Variants in VMP1 observed in about 807,000 individuals in gnomAD.
VMP1 encodes vacuole membrane protein 1.
A neutral mutation model predicts 56.0 loss-of-function variants in VMP1; 11 were observed. The observed-to-expected ratio is 0.20, with a 90% confidence interval of 0.12 to 0.32. The LOEUF is 0.32. Ranked by LOEUF, VMP1 falls within the 10% of genes least tolerant of loss-of-function variation. The pLI is 1.00. For missense variants in VMP1, 296 were observed against 490.3 expected, an observed-to-expected ratio of 0.60 and a Z score of 3.74; for synonymous variants, 149 against 165.0, an observed-to-expected ratio of 0.90 and a Z score of 0.74.
intron 1 of VMP1, among the ~76,000 whole-genome samples, chr17:59,721,480 A>T (rs900151441): frequency 5.9e-5 from 9 of 152,226 alleles, no homozygotes; most frequent in Admixed American, 5.9e-4. Context: ...AAAATGGGTC[A>T]TGATGAAGAT....
chr17:59,745,689 G>A (rs1314012235), intron 5 of VMP1, among the ~76,000 whole-genome samples: 2 of 152,122 alleles, frequency 1.3e-5, no homozygotes, highest in Non-Finnish European at 2.9e-5. Flanking sequence ...TTAGGGAAAT[G>A]TGACATTCTC....
intron 5 of VMP1, among the ~76,000 whole-genome samples, chr17:59,757,859 CTTTTTTTTTTTT>C (rs66605258): frequency 1.1e-5 from 1 of 91,254 alleles, no homozygotes; most frequent in African/African-American, 4.2e-5. Flanking sequence ...TTATTTGCCA[CTTTTTTTTTTTT>C]TTTTTTTTTT....
rs117713972 is a variant in VMP1 at position 59,803,097 on chromosome 17, A to G, written c.715-5699A>G. On this transcript the variant is annotated intron_variant, in intron 7 of 11. Transcript: ENST00000262291. ...ATATGGCTTCCTCGTGAAAATGAAA[A>G]TGTTTACTGTTACTGTTTGAAGATA... is the stretch of plus-strand genomic sequence containing the variant. 5.7e-3 allele frequency among the ~76,000 whole-genome samples: 875 copies of G among 152,306 alleles called. 4 individuals carry two copies. Among genetic ancestry groups the G allele is most frequent in the Non-Finnish European group, 9.5e-3 (649 of 68,028 alleles).
intron 5 of VMP1, among the ~76,000 whole-genome samples, chr17:59,751,744 CAAAAA>C (rs932086949): frequency 4.7e-5 from 2 of 42,592 alleles, no homozygotes; most frequent in Admixed American, 2.2e-4. Flanking sequence ...AACTCCGTCT[CAAAAA>C]AAAAAAAAAA....
intron 5 of VMP1, among the ~76,000 whole-genome samples, chr17:59,760,471 T>C (rs1330551137): frequency 6.6e-6 from 1 of 152,234 alleles, no homozygotes; most frequent in Non-Finnish European, 1.5e-5. Flanking sequence ...TTATTTCTGA[T>C]GAAAAGTCTG....
intron 9 of VMP1, among the ~76,000 whole-genome samples, chr17:59,814,823 G>C (rs2038170763): frequency 1.3e-5 from 2 of 152,168 alleles, no homozygotes; most frequent in South Asian, 4.1e-4. Flanking sequence ...AAGACCGTGG[G>C]ATATGTTTGC....
chr17:59,821,512 T>TCTA (rs1194284337), intron 10 of VMP1, among the ~76,000 whole-genome samples: 1 of 150,920 alleles, frequency 6.6e-6, no homozygotes, highest in East Asian at 1.9e-4. Flanking sequence ...CCTAGCACTG[T>TCTA]CTACAGGGAT....
intron 7 of VMP1, among the ~76,000 whole-genome samples, chr17:59,780,814 C>T (rs1039414491): frequency 3.0e-4 from 45 of 152,156 alleles, no homozygotes; most frequent in African/African-American, 1.0e-3. Context: ...TCTCGAACTA[C>T]TGACCTCAGG....
At position 59,810,622 on chromosome 17, in the gene VMP1, T is replaced by C. The variant is rs185740211; in HGVS notation, c.796-1048T>C. 5.9e-5 allele frequency among the ~76,000 whole-genome samples: 9 copies of C among 152,258 alleles called. No individual in the cohort carries two copies. In the East Asian group the frequency reaches 1.7e-3, roughly 29 times the overall value. On this transcript the variant is annotated intron_variant, in intron 8 of 11. Coordinates refer to ENST00000262291, the MANE Select transcript of VMP1 (RefSeq NM_030938.5). ...GATATTATTATATGGTTGTAAGAGA[T>C]GAAATAATCCTAAAGCATTTGAATT...
At chr17:59,768,034 C>T (rs148616926) in intron 6 of VMP1, among the ~76,000 whole-genome samples, 107 of 151,928 alleles carry the variant, frequency 7.0e-4, no homozygotes, top group African/African-American at 2.3e-3. Context: ...CACTTCAACC[C>T]GGGAGGCAGA....
intron 5 of VMP1, among the ~76,000 whole-genome samples, chr17:59,740,360 A>G (rs2035183138): frequency 6.6e-6 from 1 of 152,174 alleles, no homozygotes; most frequent in Non-Finnish European, 1.5e-5. Flanking sequence ...AAGCAGTTTG[A>G]TCTTCATTGG....
intron 5 of VMP1, among the ~76,000 whole-genome samples, chr17:59,741,194 CAA>C (rs553123749): frequency 1.4e-5 from 2 of 146,762 alleles, no homozygotes; most frequent in East Asian, 4.0e-4. Flanking sequence ...GACCTTGTCT[CAA>C]AAAAAAAATT....
chr17:59,836,955 A>C (rs1033666826), intron 10 of VMP1, among the ~76,000 whole-genome samples: 7 of 151,980 alleles, frequency 4.6e-5, no homozygotes, highest in Admixed American at 4.6e-4. Context: ...TAATCCCAGC[A>C]CTTTGGGAGG....
intron 7 of VMP1, 53 bp from the exon 8 acceptor site, chr17:59,808,743 C>G (rs1369110369): frequency 5.5e-5 from 75 of 1,371,238 alleles, no homozygotes; most frequent in Non-Finnish European, 6.7e-5. Context: ...AAAGAACCAT[C>G]TTTCCTTCTT....
chr17:59,806,690 A>G (rs1034033720), intron 7 of VMP1, among the ~76,000 whole-genome samples: 3 of 147,092 alleles, frequency 2.0e-5, no homozygotes, highest in African/African-American at 7.6e-5. Context: ...ACTCCAACCT[A>G]GGCAACAAGA....
intron 10 of VMP1, among the ~76,000 whole-genome samples, chr17:59,828,048 C>T (rs2038697784): frequency 6.6e-6 from 1 of 151,586 alleles, no homozygotes; most frequent in African/African-American, 2.4e-5. Context: ...AAAGCTGCCA[C>T]CAGTCTGTCA....
intron 10 of VMP1, among the ~76,000 whole-genome samples, chr17:59,820,426 A>G (rs183463821): frequency 2.0e-5 from 3 of 152,296 alleles, no homozygotes; most frequent in Admixed American, 1.3e-4. Flanking sequence ...GTACCTCCCA[A>G]TCATGACAAT....
intron 5 of VMP1, among the ~76,000 whole-genome samples, chr17:59,739,390 A>G (rs1308766363): frequency 6.6e-6 from 1 of 152,204 alleles, no homozygotes; most frequent in African/African-American, 2.4e-5. Flanking sequence ...AACATGTAGA[A>G]CTAAATGCTT....
chr17:59,779,705 G>C (rs1290258139), intron 7 of VMP1, among the ~76,000 whole-genome samples: 1 of 152,152 alleles, frequency 6.6e-6, no homozygotes, highest in Non-Finnish European at 1.5e-5. Flanking sequence ...ACTAAGAAAA[G>C]TCATTCGTAT....
Sources: allele counts gnomAD v4.1 joint callset (sites outside exome capture counted in the v4.1 genomes callset), GRCh38; gene constraint gnomAD v4.1.1; transcripts MANE v1.5; gene names NCBI Gene and HGNC (gene_info 2026-07-23, HGNC 2026-07-21).